The following TCF4 variants were observed in gnomAD, a reference collection of about 807,000 sequenced individuals.
TCF4 encodes the protein SL3-3 enhancer factor 2.
In TCF4, 3 loss-of-function variants were observed where a neutral mutation model predicts 82.1. That is an observed-to-expected ratio of 0.04 (90% confidence interval 0.02 to 0.09). TCF4 has a LOEUF of 0.09. Ranked by LOEUF, TCF4 falls within the 10% of genes least tolerant of loss-of-function variation. The pLI is 1.00. For missense variants in TCF4, 518 were observed against 852.7 expected, an observed-to-expected ratio of 0.61 and a Z score of 4.89; for synonymous variants, 276 against 309.6, an observed-to-expected ratio of 0.89 and a Z score of 1.14.
Position 55,281,230 on chromosome 18 carries a change from A to G in TCF4, c.550-1574T>C, listed in dbSNP as rs115938774. On this transcript the variant is annotated intron_variant, in intron 8 of 19. Coordinates refer to ENST00000354452, the MANE Select transcript of TCF4 (RefSeq NM_001083962.2). ...ACAAAGAATAAAACTTTGGCTAGGA[A>G]TCCAAAAACAAACCAATGATCTAAG... Among the ~76,000 whole-genome samples, 445 of 152,306 alleles carry G rather than the reference A, an allele frequency of 2.9e-3. 3 individuals are homozygous for G. Among genetic ancestry groups the G allele is most frequent in the African/African-American group, 0.01 (422 of 41,578 alleles).
chr18:55,307,284 C>A (rs1030873367), intron 8 of TCF4, among the ~76,000 whole-genome samples: 1 of 152,112 alleles, frequency 6.6e-6, no homozygotes, highest in African/African-American at 2.4e-5. Flanking sequence ...GGTAAATGAC[C>A]TATGGTCTTA....
chr18:55,266,300 T>G (rs973778249), intron 11 of TCF4: 1 of 152,222 alleles, frequency 6.6e-6, no homozygotes, highest in Non-Finnish European at 1.5e-5. Context: ...TCCGTATGTA[T>G]GCTCAGATGC....
intron 9 of TCF4, among the ~76,000 whole-genome samples, chr18:55,276,508 C>G (rs2061525962): frequency 6.6e-6 from 1 of 151,992 alleles, no homozygotes; most frequent in South Asian, 2.1e-4. Flanking sequence ...TAAGGTTAAC[C>G]TTTTGTTAAC....
intron 5 of TCF4, among the ~76,000 whole-genome samples, chr18:55,412,332 C>A (rs973826697): frequency 1.3e-5 from 2 of 151,250 alleles, no homozygotes; most frequent in African/African-American, 4.9e-5. Context: ...ATGTGCTCAT[C>A]TCCAATAATG....
chr18:55,572,012 G>C (rs149740731), intron 3 of TCF4, among the ~76,000 whole-genome samples: 66 of 152,230 alleles, frequency 4.3e-4, no homozygotes, highest in African/African-American at 1.5e-3. Flanking sequence ...TACTCTCTAG[G>C]AGGCAGAAAC....
intron 2 of TCF4, among the ~76,000 whole-genome samples, chr18:55,617,194 A>T (rs550051851): frequency 4.1e-4 from 62 of 152,184 alleles, no homozygotes; most frequent in South Asian, 8.3e-4. Flanking sequence ...TGTTGAAGAG[A>T]TTGACCTTTC....
At chr18:55,307,575 C>G (rs144045320) in intron 8 of TCF4, among the ~76,000 whole-genome samples, 1 of 152,108 alleles carries the variant, frequency 6.6e-6, no homozygotes, top group Non-Finnish European at 1.5e-5. Flanking sequence ...ATCATTCTGC[C>G]GGTACTCATT....
intron 3 of TCF4, among the ~76,000 whole-genome samples, chr18:55,505,726 C>A (rs932081737): frequency 1.7e-4 from 25 of 148,634 alleles, no homozygotes; most frequent in African/African-American, 6.2e-4. Context: ...ATGGCGTGAA[C>A]CCGGGAGGCG....
At chr18:55,286,305 CTTT>C (rs796742040) in intron 8 of TCF4, among the ~76,000 whole-genome samples, 1 of 141,556 alleles carries the variant, frequency 7.1e-6, no homozygotes, top group Admixed American at 7.0e-5. Context: ...CTTTTTCTAC[CTTT>C]TTTTTTTTTT....
intron 5 of TCF4, chr18:55,404,010 T>C (rs1341200677): frequency 8.3e-7 from 1 of 1,199,750 alleles, no homozygotes; most frequent in Non-Finnish European, 1.0e-6. Context: ...TCTCTCTCTC[T>C]TTTTTAAAAA....
chr18:55,565,986 G>A (rs1011158982), intron 3 of TCF4, among the ~76,000 whole-genome samples: 3 of 150,846 alleles, frequency 2.0e-5, no homozygotes, highest in Admixed American at 1.3e-4. Flanking sequence ...CGATCACGAG[G>A]TCAGGAGATC....
At chr18:55,584,072 G>A (rs924117098) in intron 3 of TCF4, among the ~76,000 whole-genome samples, 1 of 151,936 alleles carries the variant, frequency 6.6e-6, no homozygotes. Context: ...ACAAGTTATC[G>A]AGACACAAAT....
intron 6 of TCF4, among the ~76,000 whole-genome samples, chr18:55,392,688 G>A (rs1282685628): frequency 6.6e-6 from 1 of 151,968 alleles, no homozygotes; most frequent in Non-Finnish European, 1.5e-5. Context: ...AGCACAAAAT[G>A]TTGTTTTGTT....
intron 3 of TCF4, among the ~76,000 whole-genome samples, chr18:55,505,915 T>C (rs1312629025): frequency 6.6e-6 from 1 of 151,762 alleles, no homozygotes; most frequent in Non-Finnish European, 1.5e-5. Context: ...TCCAACAGTA[T>C]AGGAGTGGGT....
At chr18:55,230,922 G>C (rs2047742463) in intron 17 of TCF4, 1 of 152,174 alleles carries the variant, frequency 6.6e-6, no homozygotes, top group Non-Finnish European at 1.5e-5. Context: ...GAAAAGTTAG[G>C]GGCAAGGAGG....
At chr18:55,453,320 T>C (rs1345233892) in intron 5 of TCF4, among the ~76,000 whole-genome samples, 1 of 152,182 alleles carries the variant, frequency 6.6e-6, no homozygotes, top group Non-Finnish European at 1.5e-5. Flanking sequence ...TGCAAACCAC[T>C]TCCAGCAGGG....
intron 3 of TCF4, chr18:55,546,692 C>T (rs1240465470): frequency 6.6e-6 from 1 of 152,172 alleles, no homozygotes; most frequent in Admixed American, 6.5e-5. Flanking sequence ...CAGCATGTTC[C>T]TATGATCAAG....
At chr18:55,425,696 T>C (rs2094950618) in intron 5 of TCF4, among the ~76,000 whole-genome samples, 1 of 152,210 alleles carries the variant, frequency 6.6e-6, no homozygotes, top group Non-Finnish European at 1.5e-5. Context: ...TACGTTGGGC[T>C]CTTTCAAATT....
intron 7 of TCF4, 80 bp from the exon 8 acceptor site, chr18:55,350,488 G>T: frequency 7.1e-7 from 1 of 1,404,242 alleles, no homozygotes; most frequent in Non-Finnish European, 1.0e-6. Context: ...AAGACTTCTA[G>T]ATGATACCAC....
Sources: gnomAD v4.1 joint callset for allele counts (sites outside exome capture counted in the v4.1 genomes callset) on GRCh38, gnomAD v4.1.1 for gene constraint, MANE v1.5 for transcripts, NCBI Gene and HGNC (gene_info 2026-07-23, HGNC 2026-07-21) for gene names.